Variants in OSMR observed in about 807,000 individuals in gnomAD.
The protein encoded by OSMR is oncostatin-M-specific receptor subunit beta.
In OSMR, 81 loss-of-function variants were observed where a neutral mutation model predicts 99.9. The ratio of observed to expected loss-of-function variants is 0.81; its 90% confidence interval spans 0.68 to 0.97. The LOEUF is 0.97. OSMR is among the 50% of genes least tolerant of loss of function. The probability of loss-of-function intolerance (pLI) is 0.00; values close to 1 mark genes in which losing one functional copy is unlikely to be tolerated. For missense variants in OSMR, 1,099 were observed against 1,153.4 expected (o/e 0.95, Z 0.68); for synonymous variants, 406 against 410.4 (o/e 0.99, Z 0.13).
Position 38,933,060 on chromosome 5 carries a change from C to G in OSMR, c.2556C>G (p.Pro852=), listed in dbSNP as rs1746845067. The change falls in exon 18 of 18, where the codon CCC becomes CCG. Residue 852 remains proline (P), a synonymous_variant. Transcript: ENST00000274276. Reference sequence around the variant, plus strand: ...AAAAGAATCACTCTGGCCCTGGCCCCTGCATCTGTTTTGAGAACTTGACCT... The same window carrying G: ...AAAAGAATCACTCTGGCCCTGGCCCGTGCATCTGTTTTGAGAACTTGACCT... ...PTEKNHSGPG[P]CICFENLTYN... is the part of the protein sequence containing the mutation. 1 of 1,614,082 alleles carries G rather than the reference C, an allele frequency of 6.2e-7. No homozygotes were observed. The highest frequency in any genetic ancestry group is 1.7e-5 in the Admixed American group (1 of 60,002).
intron 1 of OSMR, among the ~76,000 whole-genome samples, chr5:38,862,627 C>G (rs1297258950): frequency 6.6e-6 from 1 of 151,578 alleles, no homozygotes; most frequent in Non-Finnish European, 1.5e-5. Flanking sequence ...AGAGGCGCTC[C>G]TCACATCCCA....
chr5:38,859,782 T>G (rs1163147453), intron 1 of OSMR, among the ~76,000 whole-genome samples: 1 of 152,184 alleles, frequency 6.6e-6, no homozygotes, highest in Non-Finnish European at 1.5e-5. Flanking sequence ...TTTTGTAGTT[T>G]TCCTTCAACA....
chr5:38,943,424 G>C (rs1747819050), intron 1 of OSMR, among the ~76,000 whole-genome samples: 1 of 152,162 alleles, frequency 6.6e-6, no homozygotes, highest in Non-Finnish European at 1.5e-5. Context: ...TGAGTGACCA[G>C]TTAAGGGCCC....
chr5:38,876,301 T>G lies in OSMR; in HGVS notation c.174T>G (p.Pro58=), dbSNP rs1300054755. The G allele has an allele frequency of 1.3e-5, 21 of 1,613,324 alleles. No homozygotes were observed. Among genetic ancestry groups the G allele is most frequent in the Non-Finnish European group, 1.7e-5 (20 of 1,179,462 alleles). The change falls in exon 3 of 18, where the codon CCT becomes CCG. Residue 58 remains proline (P), a synonymous_variant. Transcript: ENST00000274276. ...TACAATGGACTGTCCACAACCTTCC[T>G]TATCATCAGGAATTGAAAATGGTAT... is the stretch of plus-strand genomic sequence containing the variant. The part of the protein sequence containing the change: ...LHLQWTVHNL[P]YHQELKMVFQ...
chr5:38,886,510 A>G, intron 7 of OSMR: 1 of 332,064 alleles, frequency 3.0e-6, no homozygotes. Flanking sequence ...ATCACTTTAA[A>G]TTGTGTGCGT....
intron 11 of OSMR, chr5:38,919,376 G>A: frequency 7.5e-7 from 1 of 1,333,302 alleles, no homozygotes; most frequent in Non-Finnish European, 9.8e-7. Flanking sequence ...GAGAGTTGGA[G>A]TTACTATTTA....
intron 3 of OSMR, 142 bp downstream of exon 3, chr5:38,876,515 G>A: frequency 1.4e-6 from 1 of 715,196 alleles, no homozygotes; most frequent in Admixed American, 2.5e-5. Context: ...TTACATTTCT[G>A]CATTTTCTGT....
At chr5:38,944,351 A>T in intron 2 of OSMR, 1 of 1,292,928 alleles carries the variant, frequency 7.7e-7, no homozygotes. Flanking sequence ...TACTGATGTA[A>T]GTTAACTAGC....
At chr5:38,856,153 A>G (rs1156622547) in intron 1 of OSMR, among the ~76,000 whole-genome samples, 2 of 152,202 alleles carry the variant, frequency 1.3e-5, no homozygotes, top group African/African-American at 4.8e-5. Context: ...TTTACAAGGT[A>G]TAGAACTGAG....
At chr5:38,863,492 G>A (rs566186717) in intron 1 of OSMR, among the ~76,000 whole-genome samples, 30 of 151,662 alleles carry the variant, frequency 2.0e-4, no homozygotes, top group Admixed American at 2.0e-4. Flanking sequence ...AGCTGAGATC[G>A]CGCCACTGCA....
downstream of OSMR, among the ~76,000 whole-genome samples, chr5:38,937,475 G>A (rs1353089351): frequency 2.0e-5 from 3 of 152,102 alleles, no homozygotes; most frequent in African/African-American, 7.2e-5. This position sits in a 1 kb window ranked among gnomAD's most constrained non-coding sequence, Gnocchi z 4.0. Context: ...CCCTAACTTC[G>A]ACACTCAACT....
In OSMR at chr5:38,903,779, A is replaced by G; in HGVS notation, c.992-103A>G. 2.0e-5 allele frequency: 31 copies of G among 1,524,454 alleles called. No individual in the cohort carries two copies. The South Asian group carries it at 4.0e-4, about 20-fold the overall frequency. The allele number at this position is 1,524,454 out of a possible 1,614,324, so 94.4% of individuals were successfully genotyped here. On this transcript the variant is annotated intron_variant, in intron 7 of 17. Transcript: ENST00000274276. ...TTGTCATGTTCTCAAAAGTGAACAA[A>G]AATACTTGTTGAACAAATAAATGAA...
In OSMR at chr5:38,860,495, T is replaced by C. The variant is rs77354339; in HGVS notation, c.-13-8537T>C. Among the ~76,000 whole-genome samples the C allele has an allele frequency of 9.2e-4, 140 of 152,370 alleles. 3 individuals are homozygous for C. In the East Asian group the frequency reaches 0.025, roughly 27 times the overall value. ...TAGTATTTTATTGAGGATTTTTGAT[T>C]CCATGTTCATCAGGGATATTGGCCT... On this transcript the variant is annotated intron_variant, in intron 1 of 17. Coordinates refer to ENST00000274276, the MANE Select transcript of OSMR (RefSeq NM_003999.3).
intron 2 of OSMR, among the ~76,000 whole-genome samples, chr5:38,871,884 CA>C (rs1742413606): frequency 6.6e-6 from 1 of 152,102 alleles, no homozygotes; most frequent in Non-Finnish European, 1.5e-5. Context: ...TATGAATGGA[CA>C]ATGGTTTATT....
chr5:38,918,718 G>T (rs1320512269), intron 10 of OSMR, 122 bp from the exon 11 acceptor site: 4 of 1,517,904 alleles, frequency 2.6e-6, no homozygotes, highest in African/African-American at 2.8e-5. Flanking sequence ...CTATTAAGCT[G>T]TTTGAATTTT....
At chr5:38,875,266 A>G (rs1742722417) in intron 2 of OSMR, among the ~76,000 whole-genome samples, 1 of 152,224 alleles carries the variant, frequency 6.6e-6, no homozygotes, top group Non-Finnish European at 1.5e-5. Flanking sequence ...GCAATACACA[A>G]TTATTTTACA....
At chr5:38,945,418 G>A (rs1489637790), downstream of OSMR, 10 of 1,044,644 alleles carry the variant, frequency 9.6e-6, no homozygotes, top group African/African-American at 3.2e-5. Flanking sequence ...ATACCAAAAA[G>A]AAATTTGGAA....
At chr5:38,858,644 A>G (rs762427624) in intron 1 of OSMR, among the ~76,000 whole-genome samples, 4 of 152,158 alleles carry the variant, frequency 2.6e-5, no homozygotes, top group Admixed American at 6.5e-5. Flanking sequence ...GGATTGCTAG[A>G]TTATATGGTA....
rs1036310974 is a variant in OSMR at position 38,885,779 on chromosome 5, G to A, written c.840-260G>A. On this transcript the variant is annotated intron_variant, in intron 6 of 17. Coordinates refer to ENST00000274276, the MANE Select transcript of OSMR (RefSeq NM_003999.3). ...GTTTACCCAATTTCTGACTTTTTAG[G>A]AATATTCCAAGTAAATTAAGGGATG... The A allele has an allele frequency of 1.2e-5, 9 of 747,826 alleles. No homozygotes were observed. The African/African-American group carries it at 1.7e-4, about 14-fold the overall frequency. The allele number at this position is 747,826 out of a possible 1,614,324, so 46.3% of individuals were successfully genotyped here. A position where few individuals can be genotyped will look rare whatever the true frequency, so the allele number is the denominator to read the frequency against.
Sources: allele counts gnomAD v4.1 joint callset (sites outside exome capture counted in the v4.1 genomes callset), GRCh38; gene constraint gnomAD v4.1.1; non-coding constraint Gnocchi (gnomAD v3.1); transcripts MANE v1.5; gene names NCBI Gene and HGNC (gene_info 2026-07-23, HGNC 2026-07-21).